Variants in AKAP19 observed in about 807,000 individuals in gnomAD.
AKAP19 encodes the protein small A-kinase anchoring protein.
At chr2:189,893,255 C>T in the AKAP19 span, among the ~76,000 whole-genome samples, 4 of 152,316 alleles carry the variant, frequency 2.6e-5, no homozygotes, top group East Asian at 7.7e-4. Flanking sequence ...GTTCCAGACA[C>T]CACTGGGGTA....
At chr2:190,199,009 T>G in the AKAP19 span, among the ~76,000 whole-genome samples, 7 of 152,190 alleles carry the variant, frequency 4.6e-5, no homozygotes, top group Admixed American at 1.3e-4. Flanking sequence ...ATAGGTGGCT[T>G]TGCTATATGT....
At chr2:190,095,068 C>T in the AKAP19 span, among the ~76,000 whole-genome samples, 1 of 152,042 alleles carries the variant, frequency 6.6e-6, no homozygotes, top group African/African-American at 2.4e-5. Flanking sequence ...ACTAAAAATA[C>T]AAAAATTAGC....
the AKAP19 span, among the ~76,000 whole-genome samples, chr2:189,894,192 A>G: frequency 6.6e-6 from 1 of 152,206 alleles, no homozygotes; most frequent in Non-Finnish European, 1.5e-5. Flanking sequence ...GTCTTAGAAG[A>G]GCAGAATGAA....
chr2:189,943,131 A>G, the AKAP19 span, among the ~76,000 whole-genome samples: 1 of 152,178 alleles, frequency 6.6e-6, no homozygotes, highest in Non-Finnish European at 1.5e-5. Flanking sequence ...AAAGGCCTCA[A>G]AGACATTTCA....
chr2:190,028,292 G>C, the AKAP19 span, among the ~76,000 whole-genome samples: 1 of 152,072 alleles, frequency 6.6e-6, no homozygotes, highest in African/African-American at 2.4e-5. Context: ...ATGAAGAAAT[G>C]ATTATTTGAA....
the AKAP19 span, among the ~76,000 whole-genome samples, chr2:189,908,533 C>T: frequency 3.9e-5 from 6 of 152,038 alleles, no homozygotes; most frequent in Non-Finnish European, 5.9e-5. Flanking sequence ...TTTGCTGCAT[C>T]GAATAAGTTT....
chr2:190,145,871 C>CTATATA, the AKAP19 span, among the ~76,000 whole-genome samples: 17 of 79,024 alleles, frequency 2.2e-4, no homozygotes, highest in African/African-American at 7.3e-4. Context: ...ATATATATAA[C>CTATATA]TATATATATA....
At chr2:189,936,849 G>A in the AKAP19 span, among the ~76,000 whole-genome samples, 8 of 152,112 alleles carry the variant, frequency 5.3e-5, no homozygotes, top group Admixed American at 2.6e-4. Context: ...ACTGGGCCAC[G>A]CACAATGCCT....
the AKAP19 span, chr2:190,202,608 C>A: frequency 2.4e-5 from 4 of 166,834 alleles, no homozygotes; most frequent in African/African-American, 4.8e-5. Flanking sequence ...ATTTGAAGGT[C>A]TTTCATGAAC....
chr2:189,942,726 T>C, the AKAP19 span, among the ~76,000 whole-genome samples: 140 of 152,306 alleles, frequency 9.2e-4, no homozygotes, highest in African/African-American at 3.2e-3. Context: ...GAGGAACTTA[T>C]TGGGAACTAA....
chr2:190,093,409 G>A, the AKAP19 span, among the ~76,000 whole-genome samples: 1 of 150,838 alleles, frequency 6.6e-6, no homozygotes, highest in African/African-American at 2.5e-5. Flanking sequence ...CTCCAGCCTG[G>A]GCGACAGAGC....
the AKAP19 span, among the ~76,000 whole-genome samples, chr2:189,922,951 A>G: frequency 6.6e-6 from 1 of 152,184 alleles, no homozygotes; most frequent in South Asian, 2.1e-4. Flanking sequence ...GGAGTTCAAG[A>G]CCAGCCTGGA....
the AKAP19 span, among the ~76,000 whole-genome samples, chr2:189,938,075 C>T: frequency 6.6e-6 from 1 of 152,220 alleles, no homozygotes; most frequent in South Asian, 2.1e-4. Context: ...GTGGCTCATG[C>T]CTATAATCCC....
the AKAP19 span, among the ~76,000 whole-genome samples, chr2:190,038,901 TTTCTTCTTCTTC>T: frequency 1.2e-3 from 54 of 46,004 alleles, no homozygotes; most frequent in South Asian, 1.0e-3. Context: ...TCTTTCTTTC[TTTCTTCTTCTTC>T]TTCTTCTTCT....
chr2:189,910,657 T>A, the AKAP19 span, among the ~76,000 whole-genome samples: 1 of 152,016 alleles, frequency 6.6e-6, no homozygotes, highest in Non-Finnish European at 1.5e-5. Flanking sequence ...TAACCATATT[T>A]TTTTGCTGAT....
the AKAP19 span, among the ~76,000 whole-genome samples, chr2:190,126,286 T>A: frequency 3.7e-4 from 5 of 13,618 alleles, no homozygotes; most frequent in Admixed American, 5.9e-3. Flanking sequence ...CGAGATTCCA[T>A]CTCAAAAAAA....
the AKAP19 span, among the ~76,000 whole-genome samples, chr2:189,912,132 CTTA>C: frequency 1.3e-5 from 2 of 151,738 alleles, no homozygotes; most frequent in Admixed American, 1.3e-4. Context: ...TATAATAAGC[CTTA>C]TTATTTGTTT....
the AKAP19 span, among the ~76,000 whole-genome samples, chr2:190,085,144 T>A: frequency 6.6e-6 from 1 of 152,154 alleles, no homozygotes; most frequent in African/African-American, 2.4e-5. Context: ...GTAGGGAATA[T>A]GTGCTTGAGG....
chr2:190,106,784 A>G, the AKAP19 span, among the ~76,000 whole-genome samples: 1 of 152,204 alleles, frequency 6.6e-6, no homozygotes, highest in African/African-American at 2.4e-5. Context: ...AATCTAAAAA[A>G]AAATAAGTAC....
Sources: allele counts gnomAD v4.1 joint callset (sites outside exome capture counted in the v4.1 genomes callset), GRCh38; gene constraint gnomAD v4.1.1; transcripts MANE v1.5; gene names NCBI Gene and HGNC (gene_info 2026-07-23, HGNC 2026-07-21).